Variants in SPAG9 observed in about 807,000 individuals in gnomAD.
SPAG9 encodes the protein C-Jun-amino-terminal kinase-interacting protein 4.
In SPAG9, 35 loss-of-function variants were observed where a neutral mutation model predicts 166.5. The ratio of observed to expected loss-of-function variants is 0.21; its 90% CI spans 0.16 to 0.28. The LOEUF is 0.28. Among genes scored for constraint, SPAG9 ranks in the 10% least tolerant of loss-of-function variants. The pLI is 1.00. For missense variants in SPAG9, 1,235 were observed against 1,603.3 expected, an observed-to-expected ratio of 0.77 and a Z score of 3.92; for synonymous variants, 534 against 565.5, an observed-to-expected ratio of 0.94 and a Z score of 0.79.
intron 19 of SPAG9, among the ~76,000 whole-genome samples, chr17:50,992,184 G>A (rs192374853): frequency 2.6e-4 from 39 of 151,670 alleles, no homozygotes; most frequent in Non-Finnish European, 4.9e-4. Flanking sequence ...CTCCATGGCC[G>A]GCCTATTTCT....
chr17:51,066,292 G>A (rs2047662443), intron 2 of SPAG9, among the ~76,000 whole-genome samples: 1 of 151,682 alleles, frequency 6.6e-6, no homozygotes, highest in Non-Finnish European at 1.5e-5. Context: ...TTGATTTTTT[G>A]TAGAGACAAG....
At chr17:51,061,612 C>CCAA (rs34337438) in intron 2 of SPAG9, among the ~76,000 whole-genome samples, 2,828 of 32,502 alleles carry the variant, frequency 0.087, 243 homozygotes, top group Non-Finnish European at 0.13. Context: ...GCTCTGTCTC[C>CCAA]AAAAAAAAAA....
chr17:50,973,846 C>T (rs537073091), intron 28 of SPAG9, among the ~76,000 whole-genome samples: 57 of 152,288 alleles, frequency 3.7e-4, no homozygotes, highest in African/African-American at 1.3e-3. Context: ...CCACTCTTCC[C>T]GGGGTCTCCA....
chr17:50,990,839 C>A, intron 19 of SPAG9, 171 bp from the exon 20 acceptor site: 2 of 554,772 alleles, frequency 3.6e-6, no homozygotes, highest in Non-Finnish European at 3.2e-6. Context: ...GGGAAGGTAA[C>A]TTAAAAAATT....
chr17:50,971,020 T>C (rs1262061155), intron 28 of SPAG9, among the ~76,000 whole-genome samples, 164 bp from the exon 29 acceptor site: 1 of 152,014 alleles, frequency 6.6e-6, no homozygotes, highest in East Asian at 1.9e-4. Context: ...AACATTTACA[T>C]GAAGGTTTTA....
At position 50,984,862 on chromosome 17, in the gene SPAG9, C is replaced by T; in HGVS notation, c.3088+61G>A. ...TTTCTTTAAAACATAAACCAATCTA[C>T]TTAAAAATGCTTTGCAAAGCAACAA... On this transcript the variant is annotated intron_variant, in intron 24 of 29. Coordinates refer to ENST00000262013, the MANE Select transcript of SPAG9 (RefSeq NM_001130528.3). 4 of 1,304,814 alleles carry T rather than the reference C, an allele frequency of 3.1e-6. No individual in the cohort carries two copies. The East Asian group carries it at 9.2e-5, about 30-fold the overall frequency. The allele number at this position is 1,304,814 out of a possible 1,614,324, so 80.8% of individuals were successfully genotyped here. A position where few individuals can be genotyped will look rare whatever the true frequency, so the allele number is the denominator to read the frequency against.
At chr17:51,099,779 A>C (rs887422982) in intron 1 of SPAG9, among the ~76,000 whole-genome samples, 10 of 149,852 alleles carry the variant, frequency 6.7e-5, no homozygotes, top group African/African-American at 2.2e-4. Context: ...AAAAAAAAAA[A>C]AAAAAAAAAA....
chr17:51,109,775 G>C (rs1213061262), intron 1 of SPAG9, among the ~76,000 whole-genome samples: 1 of 151,932 alleles, frequency 6.6e-6, no homozygotes, highest in Non-Finnish European at 1.5e-5. Context: ...ACAGTGGCAT[G>C]AACACATCTT....
At chr17:51,079,184 C>G (rs1009412440) in intron 2 of SPAG9, among the ~76,000 whole-genome samples, 1 of 151,652 alleles carries the variant, frequency 6.6e-6, no homozygotes, top group Non-Finnish European at 1.5e-5. Context: ...GTATTTAGAA[C>G]CTTAGTCGAA....
At chr17:51,026,505 T>C (rs1469174653) in intron 6 of SPAG9, among the ~76,000 whole-genome samples, 1 of 152,026 alleles carries the variant, frequency 6.6e-6, no homozygotes, top group East Asian at 1.9e-4. Flanking sequence ...AATTTACTTA[T>C]ATGTAACTTA....
At chr17:51,038,767 C>A (rs2046718578) in intron 5 of SPAG9, among the ~76,000 whole-genome samples, 1 of 152,122 alleles carries the variant, frequency 6.6e-6, no homozygotes, top group Non-Finnish European at 1.5e-5. Flanking sequence ...AAATGAGTAC[C>A]CATCCTTACT....
intron 2 of SPAG9, among the ~76,000 whole-genome samples, chr17:51,073,681 C>T (rs1159335860): frequency 6.6e-6 from 1 of 151,812 alleles, no homozygotes; most frequent in East Asian, 1.9e-4. Context: ...TTAAGATACA[C>T]TTAGAATTCA....
At chr17:51,089,978 T>C (rs1290899602) in intron 1 of SPAG9, among the ~76,000 whole-genome samples, 2 of 151,184 alleles carry the variant, frequency 1.3e-5, no homozygotes, top group African/African-American at 4.9e-5. Flanking sequence ...TGCCCGGCCA[T>C]ATATACTATT....
At chr17:51,077,033 T>TAGCTAGCTAGCTATCTAG (rs1568065402) in intron 2 of SPAG9, among the ~76,000 whole-genome samples, 19 of 94,484 alleles carry the variant, frequency 2.0e-4, no homozygotes, top group African/African-American at 6.5e-4. Flanking sequence ...TAGCTATCTA[T>TAGCTAGCTAGCTATCTAG]CTAGCTATCT....
chr17:51,015,707 T>A, intron 8 of SPAG9, among the ~76,000 whole-genome samples: 1 of 146,534 alleles, frequency 6.8e-6, no homozygotes. Context: ...ATAAAAAGAA[T>A]TTGGAAAAAA....
At position 50,964,513 on chromosome 17, in the gene SPAG9, G is replaced by A. The variant is rs1009149398; in HGVS notation, c.*1759C>T. On this transcript the variant is annotated 3_prime_UTR_variant, in exon 30 of 30. Coordinates refer to ENST00000262013, the MANE Select transcript of SPAG9 (RefSeq NM_001130528.3). ...TGAGGCAGGAGAACTACTTGAACCT[G>A]AGAGGTGGAGGTTGCAGTGAGCTGA... is the stretch of plus-strand genomic sequence containing the variant. 5.9e-6 allele frequency: 1 copy of A among 170,216 alleles called. No individual in the cohort carries two copies. The highest frequency in any genetic ancestry group is 1.3e-5 in the Non-Finnish European group (1 of 78,658). 10.5% of individuals were successfully genotyped at this position (170,216 alleles called of 1,614,324 possible).
chr17:51,038,548 G>A (rs1361669773), intron 5 of SPAG9, among the ~76,000 whole-genome samples: 1 of 152,190 alleles, frequency 6.6e-6, no homozygotes, highest in African/African-American at 2.4e-5. Flanking sequence ...TTGACAGAAG[G>A]CATGTTGGTG....
chr17:51,024,172 AT>A (rs1010364656), intron 6 of SPAG9, among the ~76,000 whole-genome samples: 3 of 151,898 alleles, frequency 2.0e-5, no homozygotes, highest in Non-Finnish European at 4.4e-5. Flanking sequence ...GGTGCCTGTA[AT>A]TCCAGCTACC....
At chr17:51,048,184 C>T (rs2144463877) in intron 3 of SPAG9, among the ~76,000 whole-genome samples, 1 of 152,070 alleles carries the variant, frequency 6.6e-6, no homozygotes, top group South Asian at 2.1e-4. Flanking sequence ...AAAGTAAAAA[C>T]TTCAAGAATA....
Sources: gnomAD v4.1 joint callset for allele counts (sites outside exome capture counted in the v4.1 genomes callset) on GRCh38, gnomAD v4.1.1 for gene constraint, MANE v1.5 for transcripts, NCBI Gene and HGNC (gene_info 2026-07-23, HGNC 2026-07-21) for gene names.